LIMCH1: variants seen among roughly 807,000 people sequenced by gnomAD.
LIMCH1 encodes the protein LIM and calponin homology domains-containing protein 1.
A neutral mutation model predicts 176.5 loss-of-function variants in LIMCH1; 113 were observed. The observed-to-expected ratio is 0.64, with a 90% CI of 0.55 to 0.75. LIMCH1 has a LOEUF of 0.75. Ranked by LOEUF, LIMCH1 falls within the 30% of genes least tolerant of loss-of-function variation. The pLI is 0.00. For missense variants in LIMCH1, 1,674 were observed against 1,814.9 expected, an observed-to-expected ratio of 0.92 and a Z score of 1.41; for synonymous variants, 619 against 645.9, an observed-to-expected ratio of 0.96 and a Z score of 0.63.
chr4:41,360,029 GTGT>G (rs2051795956), upstream of LIMCH1, among the ~76,000 whole-genome samples: 1 of 85,038 alleles, frequency 1.2e-5, no homozygotes, highest in African/African-American at 4.2e-5. This position sits in a 1 kb window ranked among gnomAD's most constrained non-coding sequence, Gnocchi z 4.5. Context: ...TGTGTAGGGT[GTGT>G]GTGTGTGTGT....
At chr4:41,526,044 T>C (rs963312044) in intron 3 of LIMCH1, among the ~76,000 whole-genome samples, 3 of 152,174 alleles carry the variant, frequency 2.0e-5, no homozygotes, top group African/African-American at 7.2e-5. Context: ...TTTAGTAAAA[T>C]TAACTGTTAG....
At chr4:41,493,014 T>A (rs2071377864) in intron 1 of LIMCH1, among the ~76,000 whole-genome samples, 1 of 152,154 alleles carries the variant, frequency 6.6e-6, no homozygotes, top group Admixed American at 6.5e-5. Context: ...TCCAGCTTTC[T>A]TTTGATTAGT....
At chr4:41,510,594 T>C (rs1413820487) in intron 2 of LIMCH1, among the ~76,000 whole-genome samples, 1 of 142,562 alleles carries the variant, frequency 7.0e-6, no homozygotes. Context: ...TTATAAATGA[T>C]TTTTTTTTTT....
upstream of LIMCH1, among the ~76,000 whole-genome samples, chr4:41,536,519 G>GT (rs1266011693): frequency 6.6e-6 from 1 of 151,378 alleles, no homozygotes; most frequent in Non-Finnish European, 1.5e-5. Flanking sequence ...TTCAGTTTAA[G>GT]TTTTTGATTT....
At chr4:41,544,262 CTG>C (rs1269272346) in intron 1 of LIMCH1, among the ~76,000 whole-genome samples, 22 of 152,190 alleles carry the variant, frequency 1.4e-4, no homozygotes, top group African/African-American at 5.3e-4. Flanking sequence ...CCTCGAAAGA[CTG>C]TGAACATTCT....
At chr4:41,477,514 C>T (rs1364846407) in intron 1 of LIMCH1, among the ~76,000 whole-genome samples, 2 of 152,138 alleles carry the variant, frequency 1.3e-5, no homozygotes, top group Non-Finnish European at 2.9e-5. Context: ...TTATTATCAT[C>T]ATCATTATTT....
upstream of LIMCH1, chr4:41,360,658 G>A (rs1156542434): frequency 6.3e-6 from 2 of 318,346 alleles, no homozygotes; most frequent in Non-Finnish European, 1.1e-5. This position sits in a 1 kb window ranked among gnomAD's most constrained non-coding sequence, Gnocchi z 4.5. Context: ...GGGCGGCGCC[G>A]GGAACAGCTG....
At chr4:41,577,707 G>C (rs1441933818) in intron 1 of LIMCH1, among the ~76,000 whole-genome samples, 1 of 152,176 alleles carries the variant, frequency 6.6e-6, no homozygotes, top group Non-Finnish European at 1.5e-5. Flanking sequence ...GAGATTACAA[G>C]TGTGAGCTAC....
rs1199897901 is a variant in LIMCH1, at chr4:41,501,878, TTTTTTTTTA to T, written c.167+7273_167+7281del. Reference sequence around the variant, plus strand: ...AATCCTTTTTTTTTTTTTTTTTTTTTTTTTTTTTAAAAAAAACCTTCAATTTTTATTTTA... The same window carrying T: ...AATCCTTTTTTTTTTTTTTTTTTTTTAAAAAAACCTTCAATTTTTATTTTA... On this transcript the variant is annotated intron_variant, in intron 2 of 26. Coordinates refer to the LIMCH1 transcript ENST00000313860. 2.2e-3 allele frequency among the ~76,000 whole-genome samples: 299 copies of T among 137,090 alleles called. 2 individuals are homozygous for T. The highest frequency in any genetic ancestry group is 7.5e-3 in the African/African-American group (277 of 36,690). 89.9% of individuals were successfully genotyped at this position (137,090 alleles called of 152,430 possible). A position where few individuals can be genotyped will look rare whatever the true frequency, so the allele number is the denominator to read the frequency against.
At chr4:41,379,362 G>C (rs1343891028) in intron 1 of LIMCH1, among the ~76,000 whole-genome samples, 1 of 152,136 alleles carries the variant, frequency 6.6e-6, no homozygotes, top group African/African-American at 2.4e-5. Context: ...TTATAACATG[G>C]CAGCTGACTT....
At chr4:41,575,359 A>G (rs1184856367) in intron 1 of LIMCH1, among the ~76,000 whole-genome samples, 7 of 152,258 alleles carry the variant, frequency 4.6e-5, no homozygotes, top group African/African-American at 9.6e-5. Context: ...ATTATGTGCC[A>G]GCATGGTGCT....
chr4:41,492,553 GCTCA>G (rs1561536880), intron 1 of LIMCH1, among the ~76,000 whole-genome samples: 1 of 152,170 alleles, frequency 6.6e-6, no homozygotes, highest in African/African-American at 2.4e-5. Flanking sequence ...CTTCATAAAT[GCTCA>G]CTGTGAACTT....
At chr4:41,613,071 A>C in intron 4 of LIMCH1, 1 of 1,552,256 alleles carries the variant, frequency 6.4e-7, no homozygotes, top group South Asian at 1.2e-5. Flanking sequence ...ACAGACATGC[A>C]GTTATGGATT....
chr4:41,578,327 C>T (rs1490706327), intron 1 of LIMCH1, among the ~76,000 whole-genome samples: 1 of 152,110 alleles, frequency 6.6e-6, no homozygotes, highest in Non-Finnish European at 1.5e-5. Context: ...ATGAGAACAG[C>T]GTAGAGGAAA....
At chr4:41,536,430 G>C (rs2077955877), upstream of LIMCH1, among the ~76,000 whole-genome samples, 1 of 152,092 alleles carries the variant, frequency 6.6e-6, no homozygotes, top group Non-Finnish European at 1.5e-5. Context: ...ATTCCTCTCT[G>C]TCGCTCTGTC....
intron 2 of LIMCH1, among the ~76,000 whole-genome samples, chr4:41,515,771 A>G (rs79097410): frequency 0.014 from 2,103 of 152,242 alleles, 51 homozygotes; most frequent in African/African-American, 0.048. Flanking sequence ...TTGGAATTTT[A>G]TGGATCCCAA....
chr4:41,521,531 C>T (rs1193899370), intron 2 of LIMCH1, among the ~76,000 whole-genome samples: 1 of 152,082 alleles, frequency 6.6e-6, no homozygotes. Flanking sequence ...ATATCCTTGA[C>T]TCTTACTCAA....
intron 1 of LIMCH1, among the ~76,000 whole-genome samples, chr4:41,459,040 A>G (rs2064980559): frequency 6.6e-6 from 1 of 152,134 alleles, no homozygotes; most frequent in African/African-American, 2.4e-5. Flanking sequence ...GAGTTCTTAT[A>G]AGGAACTAGG....
rs548964544 is a variant in LIMCH1 at position 41,671,690 on chromosome 4, C to T, written c.3438+96C>T. The T allele has an allele frequency of 3.2e-4, 299 of 921,494 alleles. 2 individuals are homozygous for T. The highest frequency in any genetic ancestry group is 1.7e-3 in the Middle Eastern group (5 of 3,028). 57.1% of individuals were successfully genotyped at this position (921,494 alleles called of 1,614,324 possible). On this transcript the variant is annotated intron_variant, in intron 22 of 31. Transcript: ENST00000503057. ...AAAGAGTATTCAGGCCGGGTGCAGG[C>T]GGTGGCTCACGCCTGTAATCCCAAC...
Sources: gnomAD v4.1 joint callset for allele counts (sites outside exome capture counted in the v4.1 genomes callset) on GRCh38, gnomAD v4.1.1 for gene constraint, Gnocchi (gnomAD v3.1) non-coding constraint, MANE v1.5 for transcripts, NCBI Gene and HGNC (gene_info 2026-07-23, HGNC 2026-07-21) for gene names.